Variants in USP30 observed in about 807,000 individuals in gnomAD.
The protein encoded by USP30 is ubiquitin carboxyl-terminal hydrolase 30.
Under a neutral mutation model 68.2 loss-of-function variants are expected in USP30, and 41 were observed. The ratio of observed to expected loss-of-function variants is 0.60; its 90% CI spans 0.47 to 0.78. The LOEUF (loss-of-function observed/expected upper bound fraction) is 0.78. Ranked by LOEUF, USP30 falls within the 30% of genes least tolerant of loss-of-function variation. USP30 has a pLI of 0.00. For missense variants in USP30, 522 were observed against 649.4 expected, an observed-to-expected ratio of 0.80 and a Z score of 2.13; for synonymous variants, 229 against 253.7, an observed-to-expected ratio of 0.90 and a Z score of 0.93.
intron 7 of USP30, among the ~76,000 whole-genome samples, chr12:109,076,155 G>A (rs914634392): frequency 6.6e-6 from 1 of 151,632 alleles, no homozygotes; most frequent in Non-Finnish European, 1.5e-5. Flanking sequence ...TCTTTTTTCC[G>A]TGCATTATTT....
intron 3 of USP30, among the ~76,000 whole-genome samples, chr12:109,035,613 C>T (rs911959630): frequency 2.0e-5 from 3 of 152,122 alleles, no homozygotes; most frequent in African/African-American, 4.8e-5. Flanking sequence ...CCGCCCACCT[C>T]GGCCTCCCAA....
chr12:109,072,215 A>G (rs1285057190), intron 5 of USP30, 90 bp from the exon 6 acceptor site: 1 of 1,162,332 alleles, frequency 8.6e-7, no homozygotes, highest in East Asian at 2.4e-5. Flanking sequence ...TAATCAACGT[A>G]GAAACTTGTA....
In USP30 at chr12:109,067,642, T is replaced by C. The variant is rs1373713644; in HGVS notation, c.480+15T>C. On this transcript the variant is annotated intron_variant, in intron 4 of 12. Coordinates refer to ENST00000257548, the MANE Select transcript of USP30 (RefSeq NM_032663.5). ...TTGAAGAACAGGTGAGTACAACATT[T>C]GAACAGGTTTAGCTTGGAGAATCCT... 23 of 1,610,924 alleles carry C rather than the reference T, an allele frequency of 1.4e-5. No homozygotes were observed. Among genetic ancestry groups the C allele is most frequent in the Non-Finnish European group, 1.8e-5 (21 of 1,177,308 alleles).
intron 7 of USP30, among the ~76,000 whole-genome samples, chr12:109,074,373 CAG>C (rs2041532494): frequency 6.6e-6 from 1 of 152,184 alleles, no homozygotes; most frequent in African/African-American, 2.4e-5. Context: ...ATTTTCACTT[CAG>C]TTGGGTATAT....
At chr12:109,081,560 A>G in intron 8 of USP30, 167 bp downstream of exon 8, 1 of 772,226 alleles carries the variant, frequency 1.3e-6, no homozygotes, top group South Asian at 1.8e-5. Context: ...GAGAGAGGAA[A>G]ATGAATCGTT....
chr12:109,044,988 CTTTTTT>C (rs34418635), intron 3 of USP30, among the ~76,000 whole-genome samples: 1 of 100,188 alleles, frequency 1.0e-5, no homozygotes, highest in South Asian at 3.8e-4. Flanking sequence ...GGTCAAACAT[CTTTTTT>C]TTTTTTTTTT....
chr12:109,087,813 ACTT>A lies in USP30; in HGVS notation c.*1887_*1889del, dbSNP rs1013058955. On this transcript the variant is annotated 3_prime_UTR_variant, in exon 13 of 13. Coordinates refer to ENST00000257548, the MANE Select transcript of USP30 (RefSeq NM_032663.5). Reference sequence around the variant, plus strand: ...TAGCTGTGCAAAGCCTTTTAACCTGACTTCTTCATTTTGTAAATTATTATGCAT... The same window carrying A: ...TAGCTGTGCAAAGCCTTTTAACCTGACTTCATTTTGTAAATTATTATGCAT... 6.8e-5 allele frequency: 11 copies of A among 160,844 alleles called. No homozygotes were observed. The highest frequency in any genetic ancestry group is 2.6e-4 in the African/African-American group (11 of 41,646). 10.0% of individuals were successfully genotyped at this position (160,844 alleles called of 1,614,324 possible).
At chr12:109,079,452 C>G (rs2041732840) in intron 7 of USP30, among the ~76,000 whole-genome samples, 2 of 145,290 alleles carry the variant, frequency 1.4e-5, no homozygotes, top group Non-Finnish European at 3.0e-5. Flanking sequence ...CAGCCTCAAC[C>G]TCCCAGGCTC....
intron 3 of USP30, among the ~76,000 whole-genome samples, chr12:109,047,408 T>G (rs2040615376): frequency 6.6e-6 from 1 of 152,036 alleles, no homozygotes; most frequent in South Asian, 2.1e-4. Flanking sequence ...CTGTGTGAGG[T>G]GGAATTTAAA....
intron 2 of USP30, among the ~76,000 whole-genome samples, chr12:109,057,358 T>C (rs770460813): frequency 6.6e-6 from 1 of 152,190 alleles, no homozygotes; most frequent in South Asian, 2.1e-4. Context: ...TTTTTTTGTG[T>C]CTTTGAGAAC....
chr12:109,072,252 G>A (rs1342194513), intron 5 of USP30, 53 bp from the exon 6 acceptor site: 7 of 1,542,788 alleles, frequency 4.5e-6, no homozygotes. Context: ...TGAGGGTGGT[G>A]AAAGGGATTA....
intron 5 of USP30, 24 bp downstream of exon 5, chr12:109,071,734 C>T (rs375879392): frequency 5.8e-5 from 92 of 1,595,580 alleles, no homozygotes; most frequent in Non-Finnish European, 7.6e-5. Flanking sequence ...ATTTCCAACA[C>T]GTTCTGTGCA....
chr12:109,055,404 T>A (rs868657609), intron 1 of USP30, among the ~76,000 whole-genome samples: 583 of 32,498 alleles, frequency 0.018, 21 homozygotes, highest in South Asian at 0.095. Context: ...ATATATATTT[T>A]TTTTTTTTTT....
At chr12:109,051,415 C>T (rs2040671061), upstream of USP30, among the ~76,000 whole-genome samples, 2 of 151,530 alleles carry the variant, frequency 1.3e-5, no homozygotes, top group Admixed American at 1.3e-4. Flanking sequence ...CGCCACCACA[C>T]CTGGCTGATT....
chr12:109,038,937 T>C (rs2040542242), intron 3 of USP30, among the ~76,000 whole-genome samples: 1 of 152,232 alleles, frequency 6.6e-6, no homozygotes, highest in South Asian at 2.1e-4. Flanking sequence ...TCCAGATATT[T>C]TGCCAGTTCA....
chr12:109,033,403 A>T (rs1166955214), intron 3 of USP30, among the ~76,000 whole-genome samples: 1 of 152,198 alleles, frequency 6.6e-6, no homozygotes, highest in East Asian at 1.9e-4. Context: ...AGTGACAGGG[A>T]TGGGTAACAT....
Position 109,057,995 on chromosome 12 carries a change from C to T in USP30, c.263C>T (p.Ala88Val). ...AACTCCCTGCTACAAGGCCTGTCTG[C>T]CTGTCCTGCTTTCATCAGGTGGCTG... The part of the protein sequence containing the change: ...FMNSLLQGLS[A>V]CPAFIRWLEE... The change falls in exon 3 of 13, where the codon GCC (alanine) becomes GTC (valine). Residue 88 changes from alanine (A) to valine (V), a missense_variant. By Grantham distance (64) the Ala-to-Val change is moderately conservative (BLOSUM62 0). Transcript: ENST00000257548. The T allele has an allele frequency of 6.2e-7, 1 of 1,614,160 alleles. No individual in the cohort carries two copies. The highest frequency in any genetic ancestry group is 8.5e-7 in the Non-Finnish European group (1 of 1,180,026).
intron 1 of USP30, among the ~76,000 whole-genome samples, chr12:109,055,401 T>TATATATACA (rs61062424): frequency 2.4e-4 from 7 of 29,606 alleles, no homozygotes; most frequent in Admixed American, 5.0e-4. Context: ...TATATATATA[T>TATATATACA]TTTTTTTTTT....
intron 3 of USP30, among the ~76,000 whole-genome samples, chr12:109,041,536 G>A (rs1213761586): frequency 6.6e-6 from 1 of 152,054 alleles, no homozygotes; most frequent in Non-Finnish European, 1.5e-5. Context: ...TCCAGAGGCT[G>A]AGGCAGAGGA....
Sources: allele counts gnomAD v4.1 joint callset (sites outside exome capture counted in the v4.1 genomes callset), GRCh38; gene constraint gnomAD v4.1.1; transcripts MANE v1.5; gene names NCBI Gene and HGNC (gene_info 2026-07-23, HGNC 2026-07-21).